The following BBX variants were observed in gnomAD, a reference collection of about 807,000 sequenced individuals.
BBX encodes HMG box transcription factor BBX.
In BBX, 30 loss-of-function variants were observed where a neutral mutation model predicts 100.2. The ratio of observed to expected loss-of-function variants is 0.30; its 90% CI spans 0.22 to 0.41. BBX has a LOEUF of 0.41. Among genes scored for constraint, BBX ranks in the 10% least tolerant of loss-of-function variants. BBX has a pLI of 1.00. For missense variants in BBX, 1,023 were observed against 1,129.8 expected (o/e 0.91, Z 1.35); for synonymous variants, 376 against 388.1 (o/e 0.97, Z 0.37).
rs115925097 is a variant in BBX at position 107,791,760 on chromosome 3, C to T, written c.2353+461C>T. ...GCTCACGCCTGTAATCCTAGTACCT[C>T]GGGAGGCCAAGGCGGGCAGATCATG... On this transcript the variant is annotated intron_variant, in intron 15 of 17. Coordinates refer to ENST00000325805, the MANE Select transcript of BBX (RefSeq NM_001142568.3). Among the ~76,000 whole-genome samples, 391 of 152,204 alleles carry T rather than the reference C, an allele frequency of 2.6e-3. 4 individuals carry two copies. The highest frequency in any genetic ancestry group is 7.4e-3 in the East Asian group (38 of 5,168).
chr3:107,632,788 T>C (rs946079334), intron 2 of BBX, among the ~76,000 whole-genome samples: 1 of 152,232 alleles, frequency 6.6e-6, no homozygotes, highest in Admixed American at 6.5e-5. Context: ...GCTAAAAATA[T>C]GCTGAAAAGC....
At chr3:107,798,446 A>T in intron 15 of BBX, 77 bp from the exon 16 acceptor site, 1 of 1,352,778 alleles carries the variant, frequency 7.4e-7, no homozygotes, top group Non-Finnish European at 1.1e-6. Context: ...TCAGAAATTT[A>T]GACATGTTTC....
At chr3:107,589,349 A>G (rs2053122357) in intron 2 of BBX, among the ~76,000 whole-genome samples, 1 of 152,156 alleles carries the variant, frequency 6.6e-6, no homozygotes, top group African/African-American at 2.4e-5. Flanking sequence ...AGTAGAAGAA[A>G]ATGATTGGTA....
chr3:107,724,558 T>G (rs2062781861), intron 5 of BBX, among the ~76,000 whole-genome samples: 1 of 152,254 alleles, frequency 6.6e-6, no homozygotes, highest in African/African-American at 2.4e-5. Context: ...ATGTAAGTCT[T>G]TAATCCATCT....
At chr3:107,757,965 C>A (rs1409987569) in intron 10 of BBX, among the ~76,000 whole-genome samples, 1 of 152,132 alleles carries the variant, frequency 6.6e-6, no homozygotes, top group African/African-American at 2.4e-5. Context: ...AAAGAGATAG[C>A]CTAATACAAC....
chr3:107,594,567 G>T (rs2053553401), intron 2 of BBX, among the ~76,000 whole-genome samples: 1 of 152,244 alleles, frequency 6.6e-6, no homozygotes, highest in African/African-American at 2.4e-5. Context: ...GAGTCAGGCT[G>T]CTTAGCTTCA....
At chr3:107,529,977 T>C (rs533230738) in intron 2 of BBX, among the ~76,000 whole-genome samples, 1 of 152,310 alleles carries the variant, frequency 6.6e-6, no homozygotes, top group South Asian at 2.1e-4. Context: ...AGATTAAATG[T>C]AGACCATGAA....
chr3:107,523,427 T>A (rs886733010), intron 1 of BBX: 2 of 152,996 alleles, frequency 1.3e-5, no homozygotes, highest in African/African-American at 4.8e-5. Context: ...GCTGAGGCAG[T>A]GCCCTGCGAG....
intron 10 of BBX, among the ~76,000 whole-genome samples, chr3:107,758,778 A>G (rs904260072): frequency 5.9e-5 from 9 of 152,154 alleles, no homozygotes; most frequent in Admixed American, 1.3e-4. Flanking sequence ...TAACAGTAAC[A>G]AAGAAAAAAA....
chr3:107,644,777 C>T (rs999183105), intron 2 of BBX, among the ~76,000 whole-genome samples: 18 of 151,984 alleles, frequency 1.2e-4, no homozygotes, highest in Admixed American at 1.2e-3. Context: ...CACATGAGAC[C>T]AATTAATACT....
intron 4 of BBX, among the ~76,000 whole-genome samples, chr3:107,713,864 TC>T (rs1207906350): frequency 2.6e-5 from 4 of 152,166 alleles, no homozygotes; most frequent in African/African-American, 9.6e-5. Flanking sequence ...CAAGACTTAA[TC>T]CCTGTTAGTT....
intron 10 of BBX, among the ~76,000 whole-genome samples, chr3:107,758,507 T>A (rs188572735): frequency 6.6e-6 from 1 of 152,192 alleles, no homozygotes; most frequent in Admixed American, 6.5e-5. Flanking sequence ...GGGGAGAATA[T>A]GGTAGAGATG....
chr3:107,559,758 C>G (rs1402750181), intron 2 of BBX, among the ~76,000 whole-genome samples: 3 of 152,108 alleles, frequency 2.0e-5, no homozygotes, highest in Admixed American at 2.0e-4. Context: ...TTTGTTTTTT[C>G]TTTAAACAGA....
chr3:107,563,889 A>T (rs1014605310), intron 2 of BBX, among the ~76,000 whole-genome samples: 1 of 152,136 alleles, frequency 6.6e-6, no homozygotes, highest in African/African-American at 2.4e-5. Flanking sequence ...TTCATTCTCA[A>T]TCTTAATGTT....
At chr3:107,588,643 G>T (rs1482068530) in intron 2 of BBX, among the ~76,000 whole-genome samples, 1 of 152,044 alleles carries the variant, frequency 6.6e-6, no homozygotes, top group African/African-American at 2.4e-5. Context: ...CCCATTTCCA[G>T]TTTAAAAATA....
At chr3:107,576,800 A>G (rs1280356388) in intron 2 of BBX, among the ~76,000 whole-genome samples, 2 of 152,134 alleles carry the variant, frequency 1.3e-5, no homozygotes, top group Non-Finnish European at 2.9e-5. Flanking sequence ...ACCAAAACGC[A>G]CTATTTTTCT....
At chr3:107,782,429 T>C (rs1401589432) in intron 13 of BBX, among the ~76,000 whole-genome samples, 1 of 152,048 alleles carries the variant, frequency 6.6e-6, no homozygotes, top group Non-Finnish European at 1.5e-5. Context: ...TTTAAAAACA[T>C]GAAACTATAG....
At chr3:107,789,305 A>C (rs1166004154) in intron 13 of BBX, among the ~76,000 whole-genome samples, 2 of 152,162 alleles carry the variant, frequency 1.3e-5, no homozygotes, top group African/African-American at 4.8e-5. Context: ...TTTTCTTCTT[A>C]GATTATTCTC....
intron 3 of BBX, among the ~76,000 whole-genome samples, chr3:107,690,316 CT>C (rs2060080562): frequency 1.3e-5 from 2 of 152,120 alleles, no homozygotes; most frequent in African/African-American, 2.4e-5. Context: ...TGGTAAATTA[CT>C]AAGTGAAAGC....
Sources: gnomAD v4.1 joint callset for allele counts (sites outside exome capture counted in the v4.1 genomes callset) on GRCh38, gnomAD v4.1.1 for gene constraint, MANE v1.5 for transcripts, NCBI Gene and HGNC (gene_info 2026-07-23, HGNC 2026-07-21) for gene names.